The following SLC25A43 variants were observed in gnomAD, a reference collection of about 807,000 sequenced individuals.
The protein encoded by SLC25A43 is solute carrier family 25, member 43.
SLC25A43 carries 10 observed loss-of-function variants against 22.8 expected under a neutral mutation model. The observed-to-expected ratio is 0.44, with a 90% CI of 0.27 to 0.74. The LOEUF (loss-of-function observed/expected upper bound fraction) is 0.74. Among genes scored for constraint, SLC25A43 ranks in the 30% least tolerant of loss-of-function variants. The pLI is 0.17. For missense variants in SLC25A43, 233 were observed against 279.1 expected (o/e 0.83, Z 1.18); for synonymous variants, 106 against 121.6 (o/e 0.87, Z 0.84).
intron 1 of SLC25A43, among the ~76,000 whole-genome samples, chrX:119,402,065 G>A (rs1298081253): frequency 8.9e-6 from 1 of 111,933 alleles, no homozygotes; most frequent in Non-Finnish European, 1.9e-5. Flanking sequence ...TTGATTAATC[G>A]CGATGCCATC....
intron 1 of SLC25A43, among the ~76,000 whole-genome samples, chrX:119,405,900 C>G (rs1187065917): frequency 9.0e-6 from 1 of 111,625 alleles, no homozygotes; most frequent in Non-Finnish European, 1.9e-5. Flanking sequence ...GGCATGGTGG[C>G]GTGCGCCTGT....
At chrX:119,407,461 T>C (rs1476170667) in intron 2 of SLC25A43, among the ~76,000 whole-genome samples, 1 of 111,752 alleles carries the variant, frequency 8.9e-6, no homozygotes, top group Non-Finnish European at 1.9e-5. Context: ...GGCCAACTTT[T>C]GGGGGGAAGT....
At chrX:119,402,876 CTG>C (rs57579451) in intron 1 of SLC25A43, among the ~76,000 whole-genome samples, 11,760 of 111,393 alleles carry the variant, frequency 0.11, 490 homozygotes, top group Middle Eastern at 0.13. Flanking sequence ...GGACTTATCT[CTG>C]TATCAGATGG....
At chrX:119,427,470 C>T (rs2052517104) in intron 3 of SLC25A43, among the ~76,000 whole-genome samples, 1 of 112,303 alleles carries the variant, frequency 8.9e-6, no homozygotes, top group South Asian at 3.7e-4. Flanking sequence ...TACACCCACT[C>T]GTACCAATGT....
At chrX:119,428,935 C>T (rs971745309) in intron 3 of SLC25A43, among the ~76,000 whole-genome samples, 2 of 111,391 alleles carry the variant, frequency 1.8e-5, no homozygotes, top group South Asian at 7.5e-4. Flanking sequence ...CAAAACCATT[C>T]CCCCCAACCC....
At chrX:119,449,741 G>T (rs773462851) in intron 3 of SLC25A43, among the ~76,000 whole-genome samples, 1 of 107,314 alleles carries the variant, frequency 9.3e-6, no homozygotes, top group East Asian at 2.8e-4. Context: ...AAAAAAGAAA[G>T]AAAAGAAAAG....
At chrX:119,446,534 A>G (rs2052669881) in intron 3 of SLC25A43, among the ~76,000 whole-genome samples, 2 of 112,678 alleles carry the variant, frequency 1.8e-5, no homozygotes, top group African/African-American at 6.4e-5. Flanking sequence ...CATGTGTAAT[A>G]TTTTGTACTA....
In SLC25A43 at chrX:119,399,373, A is replaced by G; in HGVS notation, c.-31A>G. ...GGCCGGAGAGCCCCAGGCCCGAGCC[A>G]CGCGGTCTTCCGGGCCCGGGTCGGG... On this transcript the variant is annotated 5_prime_UTR_variant, in exon 1 of 5. Transcript: ENST00000217909. 1 of 962,258 alleles carries G rather than the reference A, an allele frequency of 1.0e-6. No homozygotes were observed. Among genetic ancestry groups the G allele is most frequent in the African/African-American group, 2.0e-5 (1 of 49,084 alleles). 79.3% of individuals were successfully genotyped at this position (962,258 alleles called of 1,213,427 possible). A position where few individuals can be genotyped will look rare whatever the true frequency, so the allele number is the denominator to read the frequency against.
At chrX:119,422,689 C>G (rs2052464802) in intron 3 of SLC25A43, among the ~76,000 whole-genome samples, 1 of 111,591 alleles carries the variant, frequency 9.0e-6, no homozygotes. Flanking sequence ...ACACCCAAGC[C>G]TGCCTCCTGC....
intron 4 of SLC25A43, among the ~76,000 whole-genome samples, 175 bp downstream of exon 4, chrX:119,452,318 G>A (rs2052712483): frequency 9.0e-6 from 1 of 111,189 alleles, no homozygotes; most frequent in African/African-American, 3.3e-5. Context: ...GGGAACCTGT[G>A]CAGTGGTGGA....
chrX:119,400,163 C>T lies in SLC25A43; in HGVS notation c.275+485C>T, dbSNP rs1296199580. ...GGTGTGGGGAAAGGACCCGATCCAT[C>T]GATACGAAAAGGCCGCAGATTTTTG... On this transcript the variant is annotated intron_variant, in intron 1 of 4. Transcript: ENST00000217909. 4.5e-5 allele frequency among the ~76,000 whole-genome samples: 5 copies of T among 110,081 alleles called. No individual in the cohort carries two copies. The Admixed American group carries it at 4.9e-4, about 11-fold the overall frequency.
intron 1 of SLC25A43, among the ~76,000 whole-genome samples, chrX:119,404,581 GT>G (rs1294635225): frequency 2.7e-5 from 3 of 111,408 alleles, no homozygotes; most frequent in African/African-American, 9.8e-5. Flanking sequence ...GTCCTCTCGG[GT>G]TTTTATGGAA....
chrX:119,420,962 A>C (rs763102154), intron 3 of SLC25A43, among the ~76,000 whole-genome samples: 3 of 110,601 alleles, frequency 2.7e-5, no homozygotes, highest in Non-Finnish European at 5.7e-5. Context: ...ACACAAAAAA[A>C]TTAGCTGGGC....
chrX:119,407,472 A>C (rs760055534), intron 2 of SLC25A43, among the ~76,000 whole-genome samples: 2 of 111,664 alleles, frequency 1.8e-5, no homozygotes, highest in Non-Finnish European at 3.8e-5. Context: ...GGGGGGAAGT[A>C]CTTACCATGT....
intron 3 of SLC25A43, among the ~76,000 whole-genome samples, chrX:119,425,521 A>T (rs955129424): frequency 1.9e-5 from 2 of 107,895 alleles, no homozygotes; most frequent in African/African-American, 6.8e-5. Flanking sequence ...GTGGAGCCTT[A>T]CCTTTAGTTT....
chrX:119,442,582 T>A (rs1158724629), intron 3 of SLC25A43, among the ~76,000 whole-genome samples: 1 of 111,976 alleles, frequency 8.9e-6, no homozygotes. Flanking sequence ...CAGCTTACTA[T>A]CCTTTTGGTA....
intron 3 of SLC25A43, among the ~76,000 whole-genome samples, chrX:119,431,509 T>C (rs2052550848): frequency 1.7e-5 from 1 of 57,475 alleles, no homozygotes; most frequent in Non-Finnish European, 3.2e-5. Context: ...AGACTGTGTC[T>C]CCAACAGAAA....
chrX:119,415,865 C>T (rs1036664984), intron 3 of SLC25A43, among the ~76,000 whole-genome samples: 12 of 107,659 alleles, frequency 1.1e-4, no homozygotes, highest in Non-Finnish European at 1.9e-4. Context: ...ACTGGGCACA[C>T]CTGTAACTGG....
chrX:119,452,284 A>G, intron 4 of SLC25A43, 141 bp downstream of exon 4: 1 of 677,703 alleles, frequency 1.5e-6, no homozygotes, highest in Non-Finnish European at 2.2e-6. Flanking sequence ...ATGAATGCAC[A>G]CTGTCTGTCA....
Sources: allele counts gnomAD v4.1 joint callset (sites outside exome capture counted in the v4.1 genomes callset), GRCh38; gene constraint gnomAD v4.1.1; transcripts MANE v1.5; gene names NCBI Gene and HGNC (gene_info 2026-07-23, HGNC 2026-07-21).